Variants in GRM7 observed in about 807,000 individuals in gnomAD.
GRM7 encodes metabotropic glutamate receptor 7.
In GRM7, 35 loss-of-function variants were observed where a neutral mutation model predicts 84.5. That is an observed-to-expected ratio of 0.41 (90% CI 0.32 to 0.55). GRM7 has a LOEUF of 0.55. GRM7 is among the 20% of genes least tolerant of loss of function. GRM7 has a pLI of 0.19. For synonymous variants in GRM7, 487 were observed against 455.1 expected, an observed-to-expected ratio of 1.07 and a Z score of -0.89; for missense variants, 1,003 against 1,194.6, an observed-to-expected ratio of 0.84 and a Z score of 2.36.
intron 2 of GRM7, among the ~76,000 whole-genome samples, chr3:7,224,614 G>A (rs777035085): frequency 6.6e-6 from 1 of 152,200 alleles, no homozygotes; most frequent in Non-Finnish European, 1.5e-5. Context: ...AGTGGATGGT[G>A]TTCACTGAGA....
chr3:7,054,256 TATATATG>T (rs998483867), intron 1 of GRM7, among the ~76,000 whole-genome samples: 14 of 149,766 alleles, frequency 9.3e-5, no homozygotes. Context: ...TCTTTTATGA[TATATATG>T]ATATATGATA....
At chr3:6,931,638 T>G (rs137928104) in intron 1 of GRM7, among the ~76,000 whole-genome samples, 357 of 152,334 alleles carry the variant, frequency 2.3e-3, no homozygotes, top group African/African-American at 8.2e-3. Context: ...GACACCAGTT[T>G]GTTGTATGTT....
chr3:7,539,149 A>T (rs2125013529), intron 7 of GRM7, among the ~76,000 whole-genome samples: 1 of 152,320 alleles, frequency 6.6e-6, no homozygotes, highest in African/African-American at 2.4e-5. Flanking sequence ...GAGGTGATTT[A>T]TCGTACCCAG....
chr3:7,228,819 G>A (rs956483390), intron 2 of GRM7, among the ~76,000 whole-genome samples: 7 of 152,060 alleles, frequency 4.6e-5, no homozygotes, highest in Non-Finnish European at 1.0e-4. Flanking sequence ...AGATAAAATT[G>A]GTTCCTATAT....
intron 7 of GRM7, among the ~76,000 whole-genome samples, chr3:7,569,541 G>C (rs1694534245): frequency 6.6e-6 from 1 of 152,120 alleles, no homozygotes; most frequent in Non-Finnish European, 1.5e-5. Context: ...AAAGCAGGCT[G>C]CCCCAGCCAG....
intron 1 of GRM7, among the ~76,000 whole-genome samples, chr3:7,069,653 C>G (rs772946497): frequency 2.6e-5 from 4 of 152,088 alleles, no homozygotes; most frequent in Non-Finnish European, 2.9e-5. Flanking sequence ...TATGTCCATA[C>G]ACAGTAGGCA....
rs534522438 is a variant in GRM7 at position 7,516,771 on chromosome 3, G to A, written c.1515+55049G>A. Among the ~76,000 whole-genome samples the A allele has an allele frequency of 1.4e-4, 22 of 152,268 alleles. No homozygotes were observed. The South Asian group carries it at 4.6e-3, about 32-fold the overall frequency. On this transcript the variant is annotated intron_variant, in intron 7 of 9. Coordinates refer to ENST00000357716, the MANE Select transcript of GRM7 (RefSeq NM_000844.4). ...TCTTTGAAGGTTATTGCCACCATTTGCCTCTGCAACCTGACTCTGCTTCTG... is the reference window on the plus strand; with the variant it reads ...TCTTTGAAGGTTATTGCCACCATTTACCTCTGCAACCTGACTCTGCTTCTG...
At chr3:7,097,851 T>A (rs2125016099) in intron 1 of GRM7, among the ~76,000 whole-genome samples, 1 of 152,216 alleles carries the variant, frequency 6.6e-6, no homozygotes, top group East Asian at 1.9e-4. Flanking sequence ...CCTCTTTTAA[T>A]TATTAACCAA....
At chr3:7,552,134 G>A (rs528094769) in intron 7 of GRM7, among the ~76,000 whole-genome samples, 1 of 152,322 alleles carries the variant, frequency 6.6e-6, no homozygotes, top group Admixed American at 6.5e-5. Flanking sequence ...AGGGGCTACA[G>A]GCCCCATGTA....
chr3:7,634,130 T>C (rs1697968317), intron 8 of GRM7, among the ~76,000 whole-genome samples: 1 of 152,192 alleles, frequency 6.6e-6, no homozygotes, highest in Non-Finnish European at 1.5e-5. Flanking sequence ...CTTCCCTTCT[T>C]TCCATGCTCA....
intron 7 of GRM7, among the ~76,000 whole-genome samples, chr3:7,531,628 G>T (rs1245028309): frequency 6.6e-6 from 1 of 152,126 alleles, no homozygotes; most frequent in Non-Finnish European, 1.5e-5. Context: ...GTATAGGAAT[G>T]CTTGTGATTT....
At chr3:6,927,732 T>C (rs1697364244) in intron 1 of GRM7, among the ~76,000 whole-genome samples, 1 of 152,198 alleles carries the variant, frequency 6.6e-6, no homozygotes, top group Non-Finnish European at 1.5e-5. Flanking sequence ...TTTTTATCTA[T>C]ATTACATTTT....
chr3:6,956,770 C>T (rs1189600117), intron 1 of GRM7, among the ~76,000 whole-genome samples: 1 of 152,108 alleles, frequency 6.6e-6, no homozygotes, highest in Non-Finnish European at 1.5e-5. Context: ...TAGAGTGTTA[C>T]TATGTCTTGT....
chr3:7,350,901 C>G (rs1471995160), intron 4 of GRM7, among the ~76,000 whole-genome samples: 1 of 152,016 alleles, frequency 6.6e-6, no homozygotes, highest in Non-Finnish European at 1.5e-5. Flanking sequence ...GAGTGCAAGA[C>G]AATATGACCA....
intron 2 of GRM7, among the ~76,000 whole-genome samples, chr3:7,235,429 C>A (rs1348058606): frequency 6.6e-6 from 1 of 152,256 alleles, no homozygotes; most frequent in East Asian, 1.9e-4. Context: ...TTGGCCACCA[C>A]CAATAAGGAA....
intron 1 of GRM7, among the ~76,000 whole-genome samples, chr3:6,881,198 A>T (rs752086631): frequency 1.6e-4 from 25 of 152,130 alleles, no homozygotes; most frequent in Non-Finnish European, 2.6e-4. Context: ...ACATGGGTAA[A>T]TGTGTGCCAT....
At chr3:7,303,683 C>T (rs1700087586) in intron 3 of GRM7, among the ~76,000 whole-genome samples, 1 of 151,756 alleles carries the variant, frequency 6.6e-6, no homozygotes, top group Non-Finnish European at 1.5e-5. Flanking sequence ...AATATTTTTT[C>T]TGTTGTTGTT....
intron 9 of GRM7, among the ~76,000 whole-genome samples, chr3:7,688,259 A>G (rs1362731864): frequency 6.6e-6 from 1 of 152,032 alleles, no homozygotes; most frequent in Non-Finnish European, 1.5e-5. Flanking sequence ...AAGTAAATTC[A>G]AACTTGTAGC....
intron 4 of GRM7, among the ~76,000 whole-genome samples, chr3:7,410,596 T>TACACACAC (rs767671354): frequency 8.7e-5 from 6 of 68,736 alleles, no homozygotes; most frequent in Non-Finnish European, 1.7e-4. Context: ...TATATATATA[T>TACACACAC]ATACACACAC....
Sources: allele counts gnomAD v4.1 joint callset (sites outside exome capture counted in the v4.1 genomes callset), GRCh38; gene constraint gnomAD v4.1.1; transcripts MANE v1.5; gene names NCBI Gene and HGNC (gene_info 2026-07-23, HGNC 2026-07-21).